The following BCAP29 variants were observed in gnomAD, a reference collection of about 807,000 sequenced individuals.
BCAP29 encodes B cell receptor associated protein 29, also known as B-cell receptor-associated protein 29.
BCAP29 carries 34 observed loss-of-function variants against 31.8 expected under a neutral mutation model. The ratio of observed to expected loss-of-function variants is 1.07; its 90% CI spans 0.81 to 1.42. The LOEUF (loss-of-function observed/expected upper bound fraction) is 1.42, where lower values mean the gene tolerates loss of function less well. Among genes scored for constraint, BCAP29 ranks in the 40% most tolerant of loss-of-function variants. The probability of loss-of-function intolerance (pLI) is 0.00; values close to 1 mark genes in which losing one functional copy is unlikely to be tolerated. For synonymous variants in BCAP29, 104 were observed against 91.3 expected (o/e 1.14, Z -0.79); for missense variants, 314 against 269.2 (o/e 1.17, Z -1.16).
chr7:107,596,579 ACTC>A (rs1450874507), intron 5 of BCAP29, among the ~76,000 whole-genome samples: 1 of 152,206 alleles, frequency 6.6e-6, no homozygotes, highest in Non-Finnish European at 1.5e-5. Context: ...TGTTAACTAA[ACTC>A]AAAAGCACGC....
At chr7:107,590,805 C>T (rs375461846) in intron 3 of BCAP29, among the ~76,000 whole-genome samples, 1 of 141,056 alleles carries the variant, frequency 7.1e-6, no homozygotes, top group Non-Finnish European at 1.5e-5. Flanking sequence ...GGTGACAAAG[C>T]GAGACCCTGT....
chr7:107,603,238 G>A (rs952145087), intron 6 of BCAP29: 1 of 152,080 alleles, frequency 6.6e-6, no homozygotes, highest in Admixed American at 6.5e-5. Flanking sequence ...CCAAAGTGCT[G>A]GGATTACAGG....
At chr7:107,614,625 G>T (rs1219122099) in intron 7 of BCAP29, among the ~76,000 whole-genome samples, 2 of 152,204 alleles carry the variant, frequency 1.3e-5, no homozygotes, top group African/African-American at 4.8e-5. Flanking sequence ...TTGGTTTAGA[G>T]CCAGTAATTA....
chr7:107,582,987 G>A (rs1323858625), intron 2 of BCAP29, among the ~76,000 whole-genome samples: 1 of 151,978 alleles, frequency 6.6e-6, no homozygotes, highest in African/African-American at 2.4e-5. Flanking sequence ...ACTTGAAGTT[G>A]TCCTAATCTT....
At chr7:107,620,521 A>G (rs1814861400), downstream of BCAP29, 2 of 152,186 alleles carry the variant, frequency 1.3e-5, no homozygotes, top group African/African-American at 4.8e-5. Flanking sequence ...ATTGTCAATA[A>G]TGACTTCTTT....
chr7:107,611,180 C>T (rs971968903), intron 6 of BCAP29, among the ~76,000 whole-genome samples: 5 of 152,182 alleles, frequency 3.3e-5, no homozygotes, highest in African/African-American at 9.7e-5. Context: ...TCCCCAGCCA[C>T]GCCTCCCAAT....
chr7:107,612,435 A>ATTTTTTTT (rs1563141515), intron 6 of BCAP29, among the ~76,000 whole-genome samples: 1 of 79,290 alleles, frequency 1.3e-5, no homozygotes, highest in African/African-American at 4.8e-5. Context: ...ATATATATAT[A>ATTTTTTTT]TATATTTATT....
At chr7:107,594,898 G>T (rs1051152580) in intron 4 of BCAP29, among the ~76,000 whole-genome samples, 2 of 152,100 alleles carry the variant, frequency 1.3e-5, no homozygotes, top group Non-Finnish European at 2.9e-5. Flanking sequence ...CAGTCCATAA[G>T]GCCCTGAATG....
intron 3 of BCAP29, among the ~76,000 whole-genome samples, chr7:107,591,656 A>ACACACACACACACACACACACACAAACC: frequency 7.3e-6 from 1 of 136,076 alleles, no homozygotes; most frequent in South Asian, 2.5e-4. Context: ...ACACACACAC[A>ACACACACACACACACACACACACAAACC]CCCTATTGGT....
In BCAP29 at chr7:107,593,359, C is replaced by G. The variant is rs1344538206; in HGVS notation, c.194-596C>G. On this transcript the variant is annotated intron_variant, in intron 3 of 7. Transcript: ENST00000005259. ...TGGTTCCCCTGCATCTGAGACTTCC[C>G]AGAACTGAAAGCATCAAAGGAGCAG... Among the ~76,000 whole-genome samples, 11 of 152,296 alleles carry G rather than the reference C, an allele frequency of 7.2e-5. No individual in the cohort carries two copies. The Middle Eastern group carries it at 0.01, about 141-fold the overall frequency.
At chr7:107,597,577 T>G (rs1000649148) in intron 5 of BCAP29, among the ~76,000 whole-genome samples, 3 of 152,244 alleles carry the variant, frequency 2.0e-5, no homozygotes, top group African/African-American at 7.2e-5. Flanking sequence ...GGTTTTTAAC[T>G]GTTAATTTTC....
intron 3 of BCAP29, among the ~76,000 whole-genome samples, chr7:107,585,951 A>G (rs1396269741): frequency 6.6e-6 from 1 of 152,150 alleles, no homozygotes; most frequent in Admixed American, 6.5e-5. Context: ...AGATCGCGCC[A>G]TTGCACTGCA....
chr7:107,591,596 TTCTCTC>T (rs991761404), intron 3 of BCAP29, among the ~76,000 whole-genome samples: 3 of 93,690 alleles, frequency 3.2e-5, no homozygotes, highest in East Asian at 5.8e-4. Context: ...CTCTCTCTCT[TTCTCTC>T]TCTGTCTGCC....
intron 3 of BCAP29, among the ~76,000 whole-genome samples, chr7:107,585,853 T>C (rs1411110891): frequency 1.3e-5 from 2 of 151,960 alleles, no homozygotes; most frequent in African/African-American, 4.8e-5. Context: ...TAGCCGGGCA[T>C]GGGGGCGCGT....
At chr7:107,603,997 C>T (rs1563137027) in intron 6 of BCAP29, among the ~76,000 whole-genome samples, 1 of 152,022 alleles carries the variant, frequency 6.6e-6, no homozygotes, top group East Asian at 1.9e-4. Flanking sequence ...AAAAGTGTGC[C>T]TCTTGAGGAT....
chr7:107,583,453 A>T (rs560643008), intron 2 of BCAP29, among the ~76,000 whole-genome samples: 1 of 152,278 alleles, frequency 6.6e-6, no homozygotes, highest in Admixed American at 6.5e-5. Context: ...AAATTGTACT[A>T]TATAAAAATC....
intron 5 of BCAP29, among the ~76,000 whole-genome samples, chr7:107,597,476 C>T (rs1207993848): frequency 6.6e-6 from 1 of 152,174 alleles, no homozygotes; most frequent in Non-Finnish European, 1.5e-5. Flanking sequence ...TGACCTAGCA[C>T]AAATCACCTA....
At chr7:107,606,774 G>A (rs571716156) in intron 6 of BCAP29, among the ~76,000 whole-genome samples, 1 of 152,260 alleles carries the variant, frequency 6.6e-6, no homozygotes, top group African/African-American at 2.4e-5. Context: ...AAATTAGCAT[G>A]TTCTTTTCAT....
chr7:107,613,796 C>A, intron 7 of BCAP29: 1 of 1,175,896 alleles, frequency 8.5e-7, no homozygotes, highest in South Asian at 1.2e-5. Flanking sequence ...ATTTCAAGTT[C>A]CACATCACAC....
Sources: gnomAD v4.1 joint callset for allele counts (sites outside exome capture counted in the v4.1 genomes callset) on GRCh38, gnomAD v4.1.1 for gene constraint, MANE v1.5 for transcripts, NCBI Gene and HGNC (gene_info 2026-07-23, HGNC 2026-07-21) for gene names.